SRD5A2: variants seen among roughly 807,000 people sequenced by gnomAD.
The protein encoded by SRD5A2 is steroid 5 alpha-reductase 2, also known as 3-oxo-5-alpha-steroid 4-dehydrogenase 2.
Under a neutral mutation model 27.4 loss-of-function variants are expected in SRD5A2, and 30 were observed. The ratio of observed to expected loss-of-function variants is 1.10; its 90% confidence interval spans 0.82 to 1.49. The LOEUF (loss-of-function observed/expected upper bound fraction) is 1.49, where lower values mean the gene tolerates loss of function less well. Ranked by LOEUF, SRD5A2 falls within the 40% of genes most tolerant of loss-of-function variation. The pLI is 0.00. For synonymous variants in SRD5A2, 141 were observed against 133.6 expected (o/e 1.06, Z -0.38); for missense variants, 348 against 323.4 (o/e 1.08, Z -0.58).
At chr2:31,634,753 T>G in the SRD5A2 span, among the ~76,000 whole-genome samples, 1 of 152,144 alleles carries the variant, frequency 6.6e-6, no homozygotes, top group African/African-American at 2.4e-5. Context: ...TCTACTTTTT[T>G]AGCTCCCACA....
At chr2:31,624,611 G>C in the SRD5A2 span, among the ~76,000 whole-genome samples, 555 of 152,062 alleles carry the variant, frequency 3.6e-3, 4 homozygotes, top group African/African-American at 0.013. Flanking sequence ...TGCGGTGTTT[G>C]GTTTTCTGTC....
chr2:31,592,324 A>G, the SRD5A2 span, among the ~76,000 whole-genome samples: 1 of 152,152 alleles, frequency 6.6e-6, no homozygotes, highest in African/African-American at 2.4e-5. Flanking sequence ...CACCACCTAC[A>G]ACACCCTGGC....
At chr2:31,574,476 A>C (rs1666915849) in intron 1 of SRD5A2, among the ~76,000 whole-genome samples, 1 of 152,218 alleles carries the variant, frequency 6.6e-6, no homozygotes, top group Non-Finnish European at 1.5e-5. Flanking sequence ...ATGGACAAAA[A>C]GTTGGTCCTT....
chr2:31,647,140 G>A, the SRD5A2 span, among the ~76,000 whole-genome samples: 8 of 152,000 alleles, frequency 5.3e-5, no homozygotes, highest in African/African-American at 1.9e-4. Context: ...GTAACACCCT[G>A]TCTCAGAAAA....
chr2:31,529,224 C>A (rs1261327322), intron 4 of SRD5A2, 83 bp downstream of exon 4: 39 of 1,546,302 alleles, frequency 2.5e-5, no homozygotes, highest in Non-Finnish European at 3.4e-5. Flanking sequence ...TCTTCGGTTT[C>A]TCAATCTTCC....
At chr2:31,650,982 A>G in the SRD5A2 span, among the ~76,000 whole-genome samples, 1 of 152,218 alleles carries the variant, frequency 6.6e-6, no homozygotes, top group Non-Finnish European at 1.5e-5. Flanking sequence ...GGAAGCAAAC[A>G]GACTGGTTGA....
chr2:31,660,829 G>C, the SRD5A2 span, among the ~76,000 whole-genome samples: 7 of 151,962 alleles, frequency 4.6e-5, no homozygotes, highest in Non-Finnish European at 1.0e-4. Flanking sequence ...AAACAAAATA[G>C]AGTCCCATGC....
chr2:31,616,869 T>C, the SRD5A2 span, among the ~76,000 whole-genome samples: 1 of 152,112 alleles, frequency 6.6e-6, no homozygotes, highest in South Asian at 2.1e-4. Context: ...TTTGGTTGTG[T>C]CCTCACCCAA....
At chr2:31,659,073 T>C in the SRD5A2 span, among the ~76,000 whole-genome samples, 6 of 151,866 alleles carry the variant, frequency 4.0e-5, no homozygotes, top group African/African-American at 1.4e-4. Flanking sequence ...AATCAATAAA[T>C]GTGATTTATT....
At position 31,525,043 on chromosome 2, in the gene SRD5A2, TAAA is replaced by T; in HGVS notation, c.*1150_*1152del. ...TGATTTTTAAGTTTTTGAAACTTTG[TAAA>T]AAAAAAAAAAACTATATGTCTGAGC... On this transcript the variant is annotated 3_prime_UTR_variant, in exon 5 of 5. Coordinates refer to ENST00000622030, the MANE Select transcript of SRD5A2 (RefSeq NM_000348.4). The T allele has an allele frequency of 5.2e-6, 1 of 191,074 alleles. No homozygotes were observed. Among genetic ancestry groups the T allele is most frequent in the East Asian group, 7.8e-5 (1 of 12,816 alleles). The allele number at this position is 191,074 out of a possible 1,614,324, so 11.8% of individuals were successfully genotyped here.
At chr2:31,618,840 C>A in the SRD5A2 span, among the ~76,000 whole-genome samples, 1 of 151,842 alleles carries the variant, frequency 6.6e-6, no homozygotes, top group Non-Finnish European at 1.5e-5. Context: ...AATGTTCTCA[C>A]CAAAAAAAGC....
chr2:31,535,567 G>A (rs899812625), intron 1 of SRD5A2, among the ~76,000 whole-genome samples: 20 of 152,148 alleles, frequency 1.3e-4, no homozygotes, highest in African/African-American at 4.8e-4. Flanking sequence ...GGAAAGAAAG[G>A]TTAGTTTCCT....
the SRD5A2 span, among the ~76,000 whole-genome samples, chr2:31,622,718 C>G: frequency 6.6e-6 from 1 of 152,124 alleles, no homozygotes. Flanking sequence ...AGTAAACCAC[C>G]ATATAGTGAC....
chr2:31,598,821 C>G, the SRD5A2 span, among the ~76,000 whole-genome samples: 1 of 151,794 alleles, frequency 6.6e-6, no homozygotes, highest in Admixed American at 6.6e-5. Flanking sequence ...CCTTACTTAT[C>G]AAGAATAACA....
In SRD5A2 at chr2:31,524,241, CAG is replaced by C. The variant is rs1665725170; in HGVS notation, c.*1953_*1954del. ...AGAGAACTGGAAGTCTTTTATGTCA[CAG>C]AGCTCAAGCTACACCTGAAGATTTA... On this transcript the variant is annotated 3_prime_UTR_variant, in exon 5 of 5. Transcript: ENST00000622030. 4.4e-6 allele frequency: 1 copy of C among 226,594 alleles called. No homozygotes were observed. The highest frequency in any genetic ancestry group is 8.8e-6 in the Non-Finnish European group (1 of 113,940). 14.0% of individuals were successfully genotyped at this position (226,594 alleles called of 1,614,324 possible).
intron 1 of SRD5A2, among the ~76,000 whole-genome samples, chr2:31,575,264 C>G (rs1418546450): frequency 2.0e-5 from 3 of 152,274 alleles, no homozygotes. Context: ...CTGCACCTCT[C>G]GTGAAATAAG....
the SRD5A2 span, among the ~76,000 whole-genome samples, chr2:31,653,188 G>T: frequency 6.6e-6 from 1 of 152,034 alleles, no homozygotes; most frequent in Non-Finnish European, 1.5e-5. Context: ...TAGTTCCAAG[G>T]GTTTCCTCTT....
At chr2:31,578,609 G>C (rs1415819300) in intron 1 of SRD5A2, among the ~76,000 whole-genome samples, 1 of 152,134 alleles carries the variant, frequency 6.6e-6, no homozygotes, top group Non-Finnish European at 1.5e-5. Flanking sequence ...TCAAAAAAGA[G>C]GAAAGACAAA....
At chr2:31,648,025 T>TACA in the SRD5A2 span, among the ~76,000 whole-genome samples, 1 of 152,194 alleles carries the variant, frequency 6.6e-6, no homozygotes, top group Non-Finnish European at 1.5e-5. Flanking sequence ...AAAGACTGTG[T>TACA]GCATGTTTTA....
Sources: allele counts gnomAD v4.1 joint callset (sites outside exome capture counted in the v4.1 genomes callset), GRCh38; gene constraint gnomAD v4.1.1; transcripts MANE v1.5; gene names NCBI Gene and HGNC (gene_info 2026-07-23, HGNC 2026-07-21).